Variants in DOCK7 observed in about 807,000 individuals in gnomAD.
The protein encoded by DOCK7 is dedicator of cytokinesis 7, also known as dedicator of cytokinesis protein 7.
A neutral mutation model predicts 271.0 loss-of-function variants in DOCK7; 138 were observed. The ratio of observed to expected loss-of-function variants is 0.51; its 90% CI spans 0.44 to 0.59. The LOEUF (loss-of-function observed/expected upper bound fraction) is 0.59. DOCK7 is among the 20% of genes least tolerant of loss of function. The pLI is 0.00. For missense variants in DOCK7, 2,066 were observed against 2,592.4 expected, an observed-to-expected ratio of 0.80 and a Z score of 4.41; for synonymous variants, 823 against 876.1, an observed-to-expected ratio of 0.94 and a Z score of 1.07.
rs1650386553 is a variant in DOCK7 at position 62,603,010 on chromosome 1, G to A, written c.1682+15696C>T. Among the ~76,000 whole-genome samples, 3 of 151,652 alleles carry A rather than the reference G, an allele frequency of 2.0e-5. No homozygotes were observed. The South Asian group carries it at 6.2e-4, about 31-fold the overall frequency. On this transcript the variant is annotated intron_variant, in intron 14 of 49. Transcript: ENST00000635253. ...TGTCTAAGTACTCACTTATAAAGTA[G>A]AAGACATTCATTATTATATCAAATT...
chr1:62,556,444 AAAT>A (rs1309572939), intron 20 of DOCK7, among the ~76,000 whole-genome samples: 1 of 151,938 alleles, frequency 6.6e-6, no homozygotes, highest in Non-Finnish European at 1.5e-5. Flanking sequence ...AGATTATTGA[AAAT>A]AATAACAGTA....
Position 62,488,701 on chromosome 1 carries a change from G to GA in DOCK7, c.5493+232dup, listed in dbSNP as rs57650980. The GA allele has an allele frequency of 0.29, 131,598 of 449,716 alleles. 12,613 individuals are homozygous for GA. The highest frequency in any genetic ancestry group is 0.36 in the South Asian group (14,741 of 40,552). The allele number at this position is 449,716 out of a possible 1,614,324, so 27.9% of individuals were successfully genotyped here. A position where few individuals can be genotyped will look rare whatever the true frequency, so the allele number is the denominator to read the frequency against. On this transcript the variant is annotated intron_variant, in intron 42 of 49. Coordinates refer to ENST00000635253, the MANE Select transcript of DOCK7 (RefSeq NM_001367561.1). ...ACTTGCTAATTAATAATTCAAAAAT[G>GA]AAAAAAAAAAGCTATGCAGAAAGTT...
chr1:62,515,172 T>C (rs1644625015), intron 31 of DOCK7, among the ~76,000 whole-genome samples: 1 of 151,902 alleles, frequency 6.6e-6, no homozygotes, highest in African/African-American at 2.4e-5. Context: ...CCAGAAGTAT[T>C]TTGTAATAAG....
chr1:62,575,135 G>C (rs888883918), intron 18 of DOCK7, among the ~76,000 whole-genome samples: 3 of 152,250 alleles, frequency 2.0e-5, no homozygotes, highest in Non-Finnish European at 1.5e-5. Flanking sequence ...TCGAACTCCA[G>C]AACTCGAGTG....
chr1:62,534,405 G>C (rs1480371301), intron 29 of DOCK7, among the ~76,000 whole-genome samples: 1 of 152,018 alleles, frequency 6.6e-6, no homozygotes, highest in Non-Finnish European at 1.5e-5. Flanking sequence ...CTCGAGGCCA[G>C]GAGTTGGGAG....
chr1:62,495,175 TA>T (rs1192669066), intron 39 of DOCK7: 1 of 152,874 alleles, frequency 6.5e-6, no homozygotes, highest in Non-Finnish European at 1.5e-5. Context: ...TATGAATACT[TA>T]AAAAAATCCT....
At chr1:62,684,091 T>C (rs1006537452) in intron 1 of DOCK7, among the ~76,000 whole-genome samples, 11 of 151,700 alleles carry the variant, frequency 7.3e-5, no homozygotes, top group African/African-American at 2.7e-4. Context: ...AATACAAAAA[T>C]TAGCTGGGCG....
At chr1:62,663,166 A>T in intron 1 of DOCK7, 36 bp from the exon 2 acceptor site, 2 of 963,646 alleles carry the variant, frequency 2.1e-6, no homozygotes, top group Non-Finnish European at 2.9e-6. Flanking sequence ...CGCATTATTG[A>T]AAAAAAAAAA....
chr1:62,614,645 C>T (rs1297264774), intron 14 of DOCK7, among the ~76,000 whole-genome samples: 1 of 151,964 alleles, frequency 6.6e-6, no homozygotes, highest in Non-Finnish European at 1.5e-5. Flanking sequence ...TTCTATTGAG[C>T]ATTTAATATG....
chr1:62,625,864 C>A (rs1050452229), intron 11 of DOCK7, among the ~76,000 whole-genome samples: 1 of 152,106 alleles, frequency 6.6e-6, no homozygotes, highest in Non-Finnish European at 1.5e-5. Context: ...AGAATACTTG[C>A]ACAAAACTAT....
chr1:62,654,304 A>G, intron 2 of DOCK7, 145 bp from the exon 3 acceptor site: 1 of 748,372 alleles, frequency 1.3e-6, no homozygotes, highest in Non-Finnish European at 2.1e-6. Context: ...AACCAGATGC[A>G]CTAAAGAAAA....
chr1:62,476,188 A>G, intron 44 of DOCK7, 32 bp from the exon 45 acceptor site: 1 of 1,582,028 alleles, frequency 6.3e-7, no homozygotes, highest in Non-Finnish European at 8.6e-7. Flanking sequence ...ATTTTATATG[A>G]AGTTAAAAAG....
rs1350797485 is a variant in DOCK7 at position 62,688,218 on chromosome 1, G to C, written c.38+9C>G. On this transcript the variant is annotated intron_variant, in intron 1 of 49. Coordinates refer to ENST00000635253, the MANE Select transcript of DOCK7 (RefSeq NM_001367561.1). ...GGCGGCGGCGGCGCGCCCCACGCCG[G>C]ATATTTACCTGCTGATCTTCTGGGC... is the stretch of plus-strand genomic sequence containing the variant. The C allele has an allele frequency of 2.9e-6, 4 of 1,378,874 alleles. No homozygotes were observed. The highest frequency in any genetic ancestry group is 3.8e-6 in the Non-Finnish European group (4 of 1,054,098). The allele number at this position is 1,378,874 out of a possible 1,614,324, so 85.4% of individuals were successfully genotyped here.
At chr1:62,608,841 A>G (rs1651374880) in intron 14 of DOCK7, 1 of 137,970 alleles carries the variant, frequency 7.2e-6, no homozygotes, top group South Asian at 2.5e-4. Flanking sequence ...AGCATAACTC[A>G]TGGAAGTCAA....
intron 22 of DOCK7, among the ~76,000 whole-genome samples, chr1:62,550,618 C>T (rs1645863796): frequency 6.6e-6 from 1 of 152,088 alleles, no homozygotes; most frequent in South Asian, 2.1e-4. Context: ...ACATGTTTAG[C>T]TGCACAGATG....
At position 62,663,045 on chromosome 1, in the gene DOCK7, T is replaced by A; in HGVS notation, c.124A>T (p.Asn42Tyr). 6.2e-7 allele frequency: 1 copy of A among 1,613,682 alleles called. No homozygotes were observed. The highest frequency in any genetic ancestry group is 8.5e-7 in the Non-Finnish European group (1 of 1,179,708). ...QLLKNLNIVGNISHHTTVPLT... is the reference protein window; with the variant it reads ...QLLKNLNIVGYISHHTTVPLT... The stretch of plus-strand genomic sequence containing the variant: ...CTTACTGTGGTGTGATGGGATATAT[T>A]GCCAACAATATTAAGGTTTTTGAGC... The change falls in exon 2 of 50, where the codon AAT (asparagine) becomes TAT (tyrosine). Residue 42 changes from asparagine to tyrosine, a missense_variant. Physicochemically the swap from Asn to Tyr is moderately radical, Grantham distance 143 (BLOSUM62 -2). This residue lies in a region of DOCK7 where 1,414 missense variants were observed against 1,670.4 expected (regional missense o/e 0.85). Transcript: ENST00000635253.
chr1:62,688,272 GCGGCGA>G lies in DOCK7; in HGVS notation c.-14_-9del, dbSNP rs1460007561. 2.3e-6 allele frequency: 3 copies of G among 1,299,384 alleles called. No homozygotes were observed. The highest frequency in any genetic ancestry group is 3.0e-6 in the Non-Finnish European group (3 of 1,015,764). The allele number at this position is 1,299,384 out of a possible 1,614,324, so 80.5% of individuals were successfully genotyped here. ...GGCGCGGCGCTCGGCCATGGCTGCTGCGGCGACGGCGACGGCGGCGGCGGCTGCGGC... is the reference window on the plus strand; with the variant it reads ...GGCGCGGCGCTCGGCCATGGCTGCTGCGGCGACGGCGGCGGCGGCTGCGGC... On this transcript the variant is annotated 5_prime_UTR_variant, in exon 1 of 50. Coordinates refer to ENST00000635253, the MANE Select transcript of DOCK7 (RefSeq NM_001367561.1).
At chr1:62,578,381 A>C (rs1170765134) in intron 17 of DOCK7, among the ~76,000 whole-genome samples, 1 of 152,134 alleles carries the variant, frequency 6.6e-6, no homozygotes, top group Non-Finnish European at 1.5e-5. Flanking sequence ...CTTCCTAATC[A>C]ATGCAACTTC....
At chr1:62,604,648 A>G (rs779566607) in intron 14 of DOCK7, 11 of 1,613,112 alleles carry the variant, frequency 6.8e-6, no homozygotes, top group Admixed American at 1.7e-5. Context: ...TGGTGGTGGC[A>G]TGATGAGTGT....
Sources: gnomAD v4.1 joint callset for allele counts (sites outside exome capture counted in the v4.1 genomes callset) on GRCh38, gnomAD v4.1.1 for gene constraint, gnomAD v4.1.1 regional missense constraint, MANE v1.5 for transcripts, NCBI Gene and HGNC (gene_info 2026-07-23, HGNC 2026-07-21) for gene names.